BAG3: variants seen among roughly 807,000 people sequenced by gnomAD.
BAG3 encodes the protein BAG cochaperone 3, also known as BAG family molecular chaperone regulator 3.
A neutral mutation model predicts 40.5 loss-of-function variants in BAG3; 14 were observed. The ratio of observed to expected loss-of-function variants is 0.35; its 90% CI spans 0.23 to 0.54. BAG3 has a LOEUF of 0.54. Ranked by LOEUF, BAG3 falls within the 20% of genes least tolerant of loss-of-function variation. BAG3 has a pLI of 0.91. For synonymous variants in BAG3, 302 were observed against 307.8 expected (o/e 0.98, Z 0.20); for missense variants, 788 against 758.6 (o/e 1.04, Z -0.46).
chr10:119,673,964 A>AT (rs1847185610), intron 3 of BAG3, among the ~76,000 whole-genome samples: 1 of 152,214 alleles, frequency 6.6e-6, no homozygotes, highest in African/African-American at 2.4e-5. Flanking sequence ...GATTCAGGAA[A>AT]TTTCACATTC....
At chr10:119,652,872 A>T (rs543372828) in intron 1 of BAG3, among the ~76,000 whole-genome samples, 4 of 152,368 alleles carry the variant, frequency 2.6e-5, no homozygotes, top group African/African-American at 9.6e-5. Flanking sequence ...ATTTTCAAAA[A>T]TCAGAGTTAG....
Position 119,676,820 on chromosome 10 carries a change from G to C in BAG3, c.1266G>C (p.Val422=), listed in dbSNP as rs779661440. The C allele has an allele frequency of 2.5e-6, 4 of 1,614,074 alleles. No homozygotes were observed. The highest frequency in any genetic ancestry group is 2.5e-6 in the Non-Finnish European group (3 of 1,180,038). Residue 422 remains valine, a synonymous_variant, in exon 4 of 4, where the codon GTG becomes GTC. Transcript: ENST00000369085. ...AGGCTCCCCCAAAACATCCAGGAGT[G>C]CTGAAAGTGGAAGCCATCCTGGAGA... ...EAEAPPKHPG[V]LKVEAILEKV... is the part of the protein sequence containing the mutation.
Position 119,672,955 on chromosome 10 carries a change from C to T in BAG3, c.909+299C>T, listed in dbSNP as rs1847173734. Among the ~76,000 whole-genome samples, 1 of 152,110 alleles carries T rather than the reference C, an allele frequency of 6.6e-6. No homozygotes were observed. The highest frequency in any genetic ancestry group is 1.5e-5 in the Non-Finnish European group (1 of 68,032). On this transcript the variant is annotated intron_variant, in intron 3 of 3. Transcript: ENST00000369085. This position sits in a 1 kb window ranked among gnomAD's most constrained non-coding sequence, Gnocchi z 4.8. Reference sequence around the variant, plus strand: ...TACCTGGGACCAGCTTCCTTAGTGTCCACCACACCCTTTCAGGGCTCTTCA... The same window carrying T: ...TACCTGGGACCAGCTTCCTTAGTGTTCACCACACCCTTTCAGGGCTCTTCA...
rs751261054 is a variant in BAG3, at chr10:119,672,583, C to T, written c.836C>T (p.Ser279Leu). The change falls in exon 3 of 4, where the codon TCA becomes TTA. Residue 279 changes from serine (S) to leucine (L), a missense_variant. Physicochemically the swap from Ser to Leu is moderately radical, Grantham distance 145. Coordinates refer to ENST00000369085, the MANE Select transcript of BAG3 (RefSeq NM_004281.4). The surrounding 1 kb of genome is among the most constrained non-coding windows in gnomAD (Gnocchi z 4.8). ...SVQGASSREG[S>L]PARSSTPLHS... ...CAGGGTGCATCGAGCCGGGAGGGCTCACCAGCCAGGAGCAGCACGCCACTC... is the reference window on the plus strand; with the variant it reads ...CAGGGTGCATCGAGCCGGGAGGGCTTACCAGCCAGGAGCAGCACGCCACTC... The T allele has an allele frequency of 2.2e-5, 35 of 1,614,008 alleles. No homozygotes were observed. The highest frequency in any genetic ancestry group is 2.9e-5 in the Non-Finnish European group (34 of 1,180,018).
In BAG3 at chr10:119,676,972, G is replaced by A. The variant is rs150156178; in HGVS notation, c.1418G>A (p.Arg473Gln). 5.0e-6 allele frequency: 8 copies of A among 1,614,030 alleles called. No individual in the cohort carries two copies. The Admixed American group carries it at 6.7e-5, about 13-fold the overall frequency. Reference sequence around the variant, plus strand: ...CTGGATTCAGTGGACCCCGAGGGACGAGCCGATGTGCGTCAGGCCAGGAGA... The same window carrying A: ...CTGGATTCAGTGGACCCCGAGGGACAAGCCGATGTGCGTCAGGCCAGGAGA... The part of the protein sequence containing the change: ...LALDSVDPEG[R>Q]ADVRQARRDG... The change falls in exon 4 of 4, where the codon CGA becomes CAA. Residue 473 changes from arginine (R) to glutamine (Q), a missense_variant. Transcript: ENST00000369085.
intron 1 of BAG3, among the ~76,000 whole-genome samples, chr10:119,662,310 C>T (rs1847005138): frequency 6.8e-6 from 1 of 146,670 alleles, no homozygotes; most frequent in Admixed American, 7.1e-5. Context: ...CTCAAGTGAT[C>T]CGCCCGCCTC....
At chr10:119,675,987 A>G (rs1250896267) in intron 3 of BAG3, among the ~76,000 whole-genome samples, 1 of 113,450 alleles carries the variant, frequency 8.8e-6, no homozygotes. Context: ...GTGCAATGAC[A>G]TAATCGTGGC....
At chr10:119,661,153 G>A (rs575826692) in intron 1 of BAG3, among the ~76,000 whole-genome samples, 76 of 151,692 alleles carry the variant, frequency 5.0e-4, no homozygotes, top group South Asian at 1.5e-3. Context: ...CCAGCTACTC[G>A]GGAGGCTGAG....
At chr10:119,669,479 C>T (rs1847110916) in intron 1 of BAG3, among the ~76,000 whole-genome samples, 3 of 152,156 alleles carry the variant, frequency 2.0e-5, no homozygotes, top group African/African-American at 4.8e-5. Flanking sequence ...GGAGCTGACC[C>T]CTGCTCCTGG....
intron 1 of BAG3, among the ~76,000 whole-genome samples, chr10:119,662,167 C>T (rs1338758613): frequency 6.6e-6 from 1 of 151,788 alleles, no homozygotes; most frequent in Admixed American, 6.6e-5. Context: ...CCTGCCTCAG[C>T]CTCCTGAGTA....
At chr10:119,664,999 A>G (rs375172084) in intron 1 of BAG3, among the ~76,000 whole-genome samples, 1 of 149,748 alleles carries the variant, frequency 6.7e-6, no homozygotes, top group Non-Finnish European at 1.5e-5. Context: ...GCTCACTGCA[A>G]CCTCCGCCTC....
In BAG3 at chr10:119,677,260, CT is replaced by C. The variant is rs1847254287; in HGVS notation, c.1707del (p.Gly570ValfsTer25). 6.2e-6 allele frequency: 10 copies of C among 1,614,098 alleles called. No individual in the cohort carries two copies. The East Asian group carries it at 2.2e-4, about 36-fold the overall frequency. ...TSNPSSMTDT[P>X]GNPAAP ...AACCCCAGCAGCATGACAGACACCC[CT>C]GGTAACCCAGCAGCACCGTAGCCTC... On this transcript the variant is annotated frameshift_variant, in exon 4 of 4. Coordinates refer to ENST00000369085, the MANE Select transcript of BAG3 (RefSeq NM_004281.4). LOFTEE classifies it high-confidence loss of function.
chr10:119,662,268 C>T (rs1342749185), intron 1 of BAG3, among the ~76,000 whole-genome samples: 1 of 142,832 alleles, frequency 7.0e-6, no homozygotes, highest in African/African-American at 2.6e-5. Context: ...AGGGTTTCAC[C>T]ATGTTGGCCA....
At chr10:119,671,584 C>T (rs139089863) in intron 2 of BAG3, among the ~76,000 whole-genome samples, 4 of 152,220 alleles carry the variant, frequency 2.6e-5, no homozygotes, top group South Asian at 2.1e-4. Context: ...CTTGTATGAG[C>T]GCTTCCTGTG....
intron 1 of BAG3, among the ~76,000 whole-genome samples, chr10:119,665,143 T>TTTTCC (rs1564771840): frequency 8.8e-6 from 1 of 113,750 alleles, no homozygotes; most frequent in South Asian, 2.9e-4. Context: ...TATATATATA[T>TTTTCC]ATTTTTTTTT....
At chr10:119,660,235 T>C (rs1025249363) in intron 1 of BAG3, among the ~76,000 whole-genome samples, 1 of 152,230 alleles carries the variant, frequency 6.6e-6, no homozygotes, top group Non-Finnish European at 1.5e-5. Flanking sequence ...CTGGCCTGGC[T>C]TTTCTCTCTA....
In BAG3 at chr10:119,675,784, T is replaced by TCCCCCTCCCCCTCCCTTCCCCCCTTC. The variant is rs1222783375; in HGVS notation, c.910-677_910-676insCCTCCCCCTCCCTTCCCCCCTTCCCC. Among the ~76,000 whole-genome samples, 4 of 12,092 alleles carry TCCCCCTCCCCCTCCCTTCCCCCCTTC rather than the reference T, an allele frequency of 3.3e-4. No individual in the cohort carries two copies. The South Asian group carries it at 0.014, about 42-fold the overall frequency. 7.9% of individuals were successfully genotyped at this position (12,092 alleles called of 152,430 possible). Reference sequence around the variant, plus strand: ...CCTTCCTTCCCTCCTTCCCTCCCCCTCCCTTCCCCCCTTCCCCTTCCCCCC... The same window carrying TCCCCCTCCCCCTCCCTTCCCCCCTTC: ...CCTTCCTTCCCTCCTTCCCTCCCCCTCCCCCTCCCCCTCCCTTCCCCCCTTCCCCTTCCCCCCTTCCCCTTCCCCCC... On this transcript the variant is annotated intron_variant, in intron 3 of 3. Transcript: ENST00000369085.
intron 1 of BAG3, among the ~76,000 whole-genome samples, chr10:119,655,488 C>T (rs1047670769): frequency 7.2e-5 from 11 of 152,016 alleles, no homozygotes; most frequent in African/African-American, 2.7e-4. Flanking sequence ...GTAGAGAGAC[C>T]CATTTATTTT....
chr10:119,652,802 A>T (rs530040947), intron 1 of BAG3, among the ~76,000 whole-genome samples: 1 of 152,386 alleles, frequency 6.6e-6, no homozygotes, highest in African/African-American at 2.4e-5. Context: ...GCAAGGATAT[A>T]TACTTCTTAA....
Sources: gnomAD v4.1 joint callset for allele counts (sites outside exome capture counted in the v4.1 genomes callset) on GRCh38, gnomAD v4.1.1 for gene constraint, Gnocchi (gnomAD v3.1) non-coding constraint, MANE v1.5 for transcripts, NCBI Gene and HGNC (gene_info 2026-07-23, HGNC 2026-07-21) for gene names.